CCDC171: variants seen among roughly 807,000 people sequenced by gnomAD.
CCDC171 encodes the protein coiled-coil domain-containing protein 171.
CCDC171 carries 177 observed loss-of-function variants against 168.2 expected under a neutral mutation model. The ratio of observed to expected loss-of-function variants is 1.05; its 90% CI spans 0.93 to 1.19. The LOEUF (loss-of-function observed/expected upper bound fraction) is 1.19, where lower values mean the gene tolerates loss of function less well. CCDC171 is among the 50% of genes most tolerant of loss of function. The probability of loss-of-function intolerance (pLI) is 0.00; values close to 1 mark genes in which losing one functional copy is unlikely to be tolerated. For synonymous variants in CCDC171, 687 were observed against 540.8 expected (o/e 1.27, Z -3.75); for missense variants, 1,991 against 1,539.0 (o/e 1.29, Z -4.91).
intron 6 of CCDC171, among the ~76,000 whole-genome samples, chr9:15,598,930 T>C (rs999964261): frequency 6.6e-6 from 1 of 152,184 alleles, no homozygotes; most frequent in African/African-American, 2.4e-5. Context: ...TTTTGATCTT[T>C]GTTGGCTTAA....
the CCDC171 span, among the ~76,000 whole-genome samples, chr9:16,076,401 C>A: frequency 6.6e-6 from 1 of 152,164 alleles, no homozygotes; most frequent in Non-Finnish European, 1.5e-5. Flanking sequence ...TCCTCCAGAT[C>A]CAGTCTTCCT....
At chr9:16,028,102 G>A (rs190029369) in intron 6 of CCDC171, among the ~76,000 whole-genome samples, 2 of 152,312 alleles carry the variant, frequency 1.3e-5, no homozygotes, top group East Asian at 3.9e-4. Flanking sequence ...CATAAGCAAA[G>A]GCAGGAGATA....
intron 4 of CCDC171, among the ~76,000 whole-genome samples, chr9:15,583,388 G>C (rs1300317137): frequency 6.9e-6 from 1 of 143,994 alleles, no homozygotes; most frequent in Non-Finnish European, 1.5e-5. Flanking sequence ...GTCCAGTCTG[G>C]TGACAGCGAG....
intron 7 of CCDC171, among the ~76,000 whole-genome samples, chr9:15,629,468 G>C (rs1270479111): frequency 6.6e-6 from 1 of 152,076 alleles, no homozygotes; most frequent in African/African-American, 2.4e-5. Context: ...AAGAAGGGAA[G>C]TTTAGAGAAA....
rs543236420 is a variant in CCDC171 at position 15,777,701 on chromosome 9, C to T, written c.2773C>T (p.Leu925=). The T allele has an allele frequency of 1.7e-5, 27 of 1,613,874 alleles. 1 individual carries two copies. The South Asian group carries it at 2.7e-4, about 16-fold the overall frequency. Reference sequence around the variant, plus strand: ...TAGTCTGGTAATGGAATGTATACCTCTGCACAGTAGCAGGAGTATTACATA... The same window carrying T: ...TAGTCTGGTAATGGAATGTATACCTTTGCACAGTAGCAGGAGTATTACATA... ...KISLVMECIP[L]HSSRSITYVE... The change falls in exon 19 of 26, where the codon CTG becomes TTG. Residue 925 remains leucine (L), a synonymous_variant. Coordinates refer to ENST00000380701, the MANE Select transcript of CCDC171 (RefSeq NM_173550.4).
At chr9:16,056,576 C>T (rs958117423) in intron 1 of CCDC171, among the ~76,000 whole-genome samples, 27 of 152,166 alleles carry the variant, frequency 1.8e-4, no homozygotes, top group Admixed American at 7.9e-4. Context: ...CAACCTCCGC[C>T]TCCCAGGTTC....
At chr9:15,758,008 G>A (rs2056230452) in intron 18 of CCDC171, among the ~76,000 whole-genome samples, 1 of 152,182 alleles carries the variant, frequency 6.6e-6, no homozygotes, top group Non-Finnish European at 1.5e-5. Flanking sequence ...ACCTCTGCTA[G>A]GGTGGTGTGG....
intron 9 of CCDC171, among the ~76,000 whole-genome samples, chr9:15,669,275 C>T (rs1336457459): frequency 6.6e-6 from 1 of 152,092 alleles, no homozygotes; most frequent in African/African-American, 2.4e-5. Context: ...CTAAAACTTG[C>T]AGTATGAAAC....
chr9:15,774,530 T>TA (rs1192003683), intron 18 of CCDC171, among the ~76,000 whole-genome samples: 1 of 152,180 alleles, frequency 6.6e-6, no homozygotes, highest in Non-Finnish European at 1.5e-5. Context: ...GTACAACCAC[T>TA]ATGGAAAACA....
chr9:16,093,619 T>C, the CCDC171 span, among the ~76,000 whole-genome samples: 1 of 152,328 alleles, frequency 6.6e-6, no homozygotes, highest in South Asian at 2.1e-4. Flanking sequence ...CTCTCTCTGA[T>C]GTTGCCCACT....
At position 15,943,004 on chromosome 9, in the gene CCDC171, C is replaced by G. The variant is rs533447225; in HGVS notation, c.3753+22582C>G. On this transcript the variant is annotated intron_variant, in intron 25 of 25. Coordinates refer to ENST00000380701, the MANE Select transcript of CCDC171 (RefSeq NM_173550.4). ...TTTAACTGCTGAACCCAAACCAAGC[C>G]GTATAAGGAGATGGGTCCTGAGTTA... is the stretch of plus-strand genomic sequence containing the variant. Among the ~76,000 whole-genome samples the G allele has an allele frequency of 6.6e-5, 10 of 152,004 alleles. No homozygotes were observed. The East Asian group carries it at 1.4e-3, about 21-fold the overall frequency.
chr9:15,976,169 G>T (rs1478920979), downstream of CCDC171, among the ~76,000 whole-genome samples: 1 of 152,148 alleles, frequency 6.6e-6, no homozygotes, highest in Non-Finnish European at 1.5e-5. Flanking sequence ...CCACAAGTTT[G>T]TGGTAATTTG....
At chr9:15,736,906 G>A (rs2134457795) in intron 16 of CCDC171, among the ~76,000 whole-genome samples, 1 of 152,080 alleles carries the variant, frequency 6.6e-6, no homozygotes, top group African/African-American at 2.4e-5. Flanking sequence ...TGCCTGTCTT[G>A]GCCTCTCAAA....
intron 7 of CCDC171, among the ~76,000 whole-genome samples, chr9:15,656,188 C>G (rs959756036): frequency 6.6e-6 from 1 of 151,756 alleles, no homozygotes; most frequent in African/African-American, 2.4e-5. Context: ...GCGTGGTGGC[C>G]GGTACGTGTA....
chr9:15,823,945 T>G (rs1479633994), intron 21 of CCDC171, among the ~76,000 whole-genome samples: 1 of 152,168 alleles, frequency 6.6e-6, no homozygotes, highest in African/African-American at 2.4e-5. Flanking sequence ...CTTGAAAATA[T>G]GCATTCTTGT....
At chr9:15,792,184 T>G (rs1214032581) in intron 21 of CCDC171, among the ~76,000 whole-genome samples, 2 of 152,190 alleles carry the variant, frequency 1.3e-5, no homozygotes, top group Non-Finnish European at 2.9e-5. Flanking sequence ...ATGCACAAGC[T>G]TCAGTAGCTG....
chr9:16,085,905 A>G, the CCDC171 span, among the ~76,000 whole-genome samples: 10 of 152,174 alleles, frequency 6.6e-5, no homozygotes, highest in Non-Finnish European at 1.0e-4. Context: ...CCTTTTTATC[A>G]GGAATATTGG....
At chr9:15,579,258 A>G (rs546728905) in intron 4 of CCDC171, among the ~76,000 whole-genome samples, 18 of 152,346 alleles carry the variant, frequency 1.2e-4, no homozygotes, top group African/African-American at 4.3e-4. Context: ...AAGGAGTTCA[A>G]AATTCTCTTA....
intron 18 of CCDC171, among the ~76,000 whole-genome samples, chr9:15,747,907 T>C (rs1174165450): frequency 3.9e-5 from 6 of 152,082 alleles, no homozygotes; most frequent in Admixed American, 3.9e-4. Flanking sequence ...CTTTGACGAG[T>C]TGACAGAAGT....
Sources: gnomAD v4.1 joint callset for allele counts (sites outside exome capture counted in the v4.1 genomes callset) on GRCh38, gnomAD v4.1.1 for gene constraint, MANE v1.5 for transcripts, NCBI Gene and HGNC (gene_info 2026-07-23, HGNC 2026-07-21) for gene names.